The following PLD1 variants were observed in gnomAD, a reference collection of about 807,000 sequenced individuals.
PLD1 encodes the protein choline phosphatase 1.
In PLD1, 112 loss-of-function variants were observed where a neutral mutation model predicts 137.1. The observed-to-expected ratio is 0.82, with a 90% CI of 0.70 to 0.96. PLD1 has a LOEUF of 0.96. Among genes scored for constraint, PLD1 ranks in the 40% least tolerant of loss-of-function variants. PLD1 has a pLI of 0.00. For synonymous variants in PLD1, 431 were observed against 454.7 expected (o/e 0.95, Z 0.66); for missense variants, 1,321 against 1,342.0 (o/e 0.98, Z 0.24).
At chr3:171,621,132 A>G (rs1216912392) in intron 23 of PLD1, among the ~76,000 whole-genome samples, 2 of 152,286 alleles carry the variant, frequency 1.3e-5, no homozygotes, top group African/African-American at 4.8e-5. Flanking sequence ...AGGAAACAGA[A>G]GAATCCTTAC....
chr3:171,698,043 GA>G (rs1715913000), intron 12 of PLD1, among the ~76,000 whole-genome samples: 1 of 152,166 alleles, frequency 6.6e-6, no homozygotes, highest in Non-Finnish European at 1.5e-5. Context: ...CGCAAGGCTG[GA>G]AAAATGTACT....
intron 22 of PLD1, among the ~76,000 whole-genome samples, chr3:171,644,277 C>T (rs1736010049): frequency 6.6e-6 from 1 of 152,186 alleles, no homozygotes; most frequent in South Asian, 2.1e-4. Flanking sequence ...TCCCCCAACC[C>T]ACCAGCTAGC....
At chr3:171,714,687 G>A (rs1045338693) in intron 8 of PLD1, among the ~76,000 whole-genome samples, 2 of 151,984 alleles carry the variant, frequency 1.3e-5, no homozygotes, top group African/African-American at 4.8e-5. Context: ...ATGTTTTAAT[G>A]GCTTTATAAC....
intron 1 of PLD1, among the ~76,000 whole-genome samples, chr3:171,776,679 C>A (rs11926267): frequency 0.041 from 6,206 of 152,204 alleles, 432 homozygotes; most frequent in African/African-American, 0.14. Context: ...ACATCCCTTC[C>A]CTATTCTGTA....
chr3:171,700,847 C>G (rs1560231106), intron 11 of PLD1, among the ~76,000 whole-genome samples: 1 of 152,146 alleles, frequency 6.6e-6, no homozygotes, highest in South Asian at 2.1e-4. Context: ...AGTCATTTTT[C>G]CCCTGGGGCT....
At chr3:171,659,847 C>T (rs1185982555) in intron 20 of PLD1, among the ~76,000 whole-genome samples, 1 of 152,128 alleles carries the variant, frequency 6.6e-6, no homozygotes, top group Non-Finnish European at 1.5e-5. Context: ...TTTTAAGTAG[C>T]CTCAACTCTC....
intron 1 of PLD1, among the ~76,000 whole-genome samples, chr3:171,798,968 T>C (rs927642179): frequency 1.3e-5 from 2 of 152,204 alleles, no homozygotes; most frequent in Non-Finnish European, 2.9e-5. Flanking sequence ...AACACCTGAT[T>C]TGGGGGCATC....
At chr3:171,717,074 T>C (rs1307499763) in intron 8 of PLD1, among the ~76,000 whole-genome samples, 1 of 152,208 alleles carries the variant, frequency 6.6e-6, no homozygotes, top group Non-Finnish European at 1.5e-5. Flanking sequence ...ATGTGTCTGT[T>C]TTCGTACCAG....
At chr3:171,771,826 CA>C (rs1722367732) in intron 1 of PLD1, among the ~76,000 whole-genome samples, 1 of 152,212 alleles carries the variant, frequency 6.6e-6, no homozygotes, top group Admixed American at 6.5e-5. Context: ...AAAACCTCAT[CA>C]AATCCAACGA....
chr3:171,650,912 AAAT>A (rs1426950546), intron 21 of PLD1, among the ~76,000 whole-genome samples: 1 of 152,160 alleles, frequency 6.6e-6, no homozygotes, highest in African/African-American at 2.4e-5. Flanking sequence ...AAAAAAAAAA[AAAT>A]TAATTTTAAA....
Position 171,612,323 on chromosome 3 carries a change from G to A in PLD1, c.2838C>T (p.Tyr946=), listed in dbSNP as rs763738967. 2 of 1,614,084 alleles carry A rather than the reference G, an allele frequency of 1.2e-6. No individual in the cohort carries two copies. Among genetic ancestry groups the A allele is most frequent in the South Asian group, 1.1e-5 (1 of 91,072 alleles). ...GTCCTCGGGCAAACCGGCCAGCTTG[G>A]TACTCTTTTCCATCCATTACTGAAG... is the stretch of plus-strand genomic sequence containing the variant. ...TVPSVMDGKE[Y]QAGRFARGLR... is the part of the protein sequence containing the mutation. Residue 946 remains tyrosine (Y), a synonymous_variant, in exon 25 of 27, where the codon TAC becomes TAT. Transcript: ENST00000351298. This position sits in a 1 kb window ranked among gnomAD's most constrained non-coding sequence, Gnocchi z 4.1.
intron 25 of PLD1, among the ~76,000 whole-genome samples, chr3:171,608,537 A>C (rs549212152): frequency 6.6e-6 from 1 of 152,228 alleles, no homozygotes; most frequent in African/African-American, 2.4e-5. Flanking sequence ...CACAGCCACA[A>C]TAATTACATG....
chr3:171,644,476 TATC>T (rs1736022704), intron 22 of PLD1, among the ~76,000 whole-genome samples: 1 of 152,226 alleles, frequency 6.6e-6, no homozygotes. Flanking sequence ...TAACAGAGGC[TATC>T]ATTATCAACC....
intron 1 of PLD1, among the ~76,000 whole-genome samples, chr3:171,781,734 C>T (rs929001549): frequency 2.6e-5 from 4 of 152,182 alleles, no homozygotes. Context: ...GACCGTCAAA[C>T]CCAAATGCTG....
chr3:171,657,374 G>A (rs904731922), intron 21 of PLD1, among the ~76,000 whole-genome samples: 2 of 152,166 alleles, frequency 1.3e-5, no homozygotes, highest in Non-Finnish European at 2.9e-5. Flanking sequence ...AGTAAAAAGT[G>A]TTTTAATTCC....
chr3:171,650,289 C>A (rs1008203348), intron 21 of PLD1, among the ~76,000 whole-genome samples: 2 of 152,160 alleles, frequency 1.3e-5, no homozygotes, highest in African/African-American at 4.8e-5. Context: ...GATATGAGAG[C>A]CAGGAGGATC....
chr3:171,804,453 T>C (rs1723766250), intron 1 of PLD1, among the ~76,000 whole-genome samples: 1 of 152,250 alleles, frequency 6.6e-6, no homozygotes, highest in South Asian at 2.1e-4. Flanking sequence ...ACCTTCTCCC[T>C]TCATCCATGT....
At chr3:171,700,438 C>A (rs1468810928) in intron 11 of PLD1, among the ~76,000 whole-genome samples, 2 of 152,020 alleles carry the variant, frequency 1.3e-5, no homozygotes, top group African/African-American at 4.8e-5. Flanking sequence ...ACACTTCCAG[C>A]TTTGGGATGG....
intron 11 of PLD1, among the ~76,000 whole-genome samples, chr3:171,702,134 T>A (rs1349452035): frequency 1.3e-5 from 2 of 152,134 alleles, no homozygotes; most frequent in Non-Finnish European, 1.5e-5. Context: ...TGAAACTAGA[T>A]GTTGACTCTT....
Sources: gnomAD v4.1 joint callset for allele counts (sites outside exome capture counted in the v4.1 genomes callset) on GRCh38, gnomAD v4.1.1 for gene constraint, Gnocchi (gnomAD v3.1) non-coding constraint, MANE v1.5 for transcripts, NCBI Gene and HGNC (gene_info 2026-07-23, HGNC 2026-07-21) for gene names.